Variants in IL4I1 observed in about 807,000 individuals in gnomAD.
The protein encoded by IL4I1 is interleukin 4 induced 1.
IL4I1 carries 24 observed loss-of-function variants against 29.7 expected under a neutral mutation model. That is an observed-to-expected ratio of 0.81 (90% CI 0.59 to 1.14). The LOEUF (loss-of-function observed/expected upper bound fraction) is 1.14. Ranked by LOEUF, IL4I1 falls within the 50% of genes most tolerant of loss-of-function variation. The pLI, the probability that IL4I1 is intolerant of heterozygous loss-of-function variation, is 0.00. For synonymous variants in IL4I1, 371 were observed against 352.5 expected, an observed-to-expected ratio of 1.05 and a Z score of -0.59; for missense variants, 686 against 785.6, an observed-to-expected ratio of 0.87 and a Z score of 1.52.
chr19:49,907,547 T>C, intron 2 of IL4I1: 1 of 428,782 alleles, frequency 2.3e-6, no homozygotes, highest in South Asian at 1.7e-5. Flanking sequence ...CTTTTTTTTT[T>C]TTTTTTTTTT....
At chr19:49,896,747 C>T in intron 1 of IL4I1, 88 bp downstream of exon 1, 1 of 855,358 alleles carries the variant, frequency 1.2e-6, no homozygotes, top group Non-Finnish European at 1.4e-6. Context: ...TTTCCCTCTT[C>T]CTCATCTCCC....
intron 5 of IL4I1, among the ~76,000 whole-genome samples, chr19:49,892,933 A>G (rs547735340): frequency 2.7e-4 from 41 of 152,194 alleles, no homozygotes; most frequent in African/African-American, 8.9e-4. Context: ...AGGAGGGGAC[A>G]TTGGAGCTAG....
intron 3 of IL4I1, chr19:49,901,949 C>CGTG (rs2075275476): frequency 5.7e-6 from 2 of 350,136 alleles, no homozygotes; most frequent in Admixed American, 4.8e-5. Context: ...GTCTCACTCA[C>CGTG]CCTCCCCGCC....
Position 49,908,831 on chromosome 19 carries a change from G to A in IL4I1, c.-227-4510C>T, listed in dbSNP as rs777143310. 5 of 1,612,978 alleles carry A rather than the reference G, an allele frequency of 3.1e-6. No individual in the cohort carries two copies. In the East Asian group the frequency reaches 1.1e-4, roughly 36 times the overall value. On this transcript the variant is annotated intron_variant, in intron 2 of 9. Transcript: ENST00000341114. Reference sequence around the variant, plus strand: ...CTCCAGCTGCGCGTAGGTCATGGCGGAGCTGGCAGCCGCCCCTGCAGCTGC... The same window carrying A: ...CTCCAGCTGCGCGTAGGTCATGGCGAAGCTGGCAGCCGCCCCTGCAGCTGC...
upstream of IL4I1, among the ~76,000 whole-genome samples, chr19:49,898,017 T>A (rs2075233764): frequency 1.3e-5 from 2 of 152,098 alleles, no homozygotes; most frequent in African/African-American, 2.4e-5. Flanking sequence ...CCGAAAGAGC[T>A]TGGGTCAGCA....
At chr19:49,915,428 T>C (rs2075599052) in intron 2 of IL4I1, among the ~76,000 whole-genome samples, 1 of 152,166 alleles carries the variant, frequency 6.6e-6, no homozygotes, top group South Asian at 2.1e-4. Flanking sequence ...ACAGGCGGCT[T>C]CGGCCTCTAG....
chr19:49,892,913 G>T (rs982310188), intron 5 of IL4I1, among the ~76,000 whole-genome samples: 2 of 152,184 alleles, frequency 1.3e-5, no homozygotes, highest in Non-Finnish European at 2.9e-5. Context: ...TATCAGGGAA[G>T]GCTTCCTGGA....
chr19:49,915,377 G>C (rs1409941085), intron 2 of IL4I1, among the ~76,000 whole-genome samples: 1 of 152,188 alleles, frequency 6.6e-6, no homozygotes, highest in African/African-American at 2.4e-5. Flanking sequence ...GAGACACTGT[G>C]CTGCTGGCTT....
At chr19:49,918,060 G>A (rs1349844488) in intron 2 of IL4I1, among the ~76,000 whole-genome samples, 2 of 151,510 alleles carry the variant, frequency 1.3e-5, no homozygotes, top group Non-Finnish European at 1.5e-5. Context: ...GCCATGGAGA[G>A]GGTCTGCTTT....
rs1254613593 is a variant in IL4I1 at position 49,894,594 on chromosome 19, G to T, written c.366-125C>A. ...GGACCAGCATGAGGCTGGGGGTGGG[G>T]CTAGATTTGGGGTAATCAATGCTGG... On this transcript the variant is annotated intron_variant, in intron 4 of 7. Transcript: ENST00000391826. 5.9e-6 allele frequency: 4 copies of T among 674,836 alleles called. No individual in the cohort carries two copies. In the Admixed American group the frequency reaches 6.6e-5, roughly 11 times the overall value. 41.8% of individuals were successfully genotyped at this position (674,836 alleles called of 1,614,324 possible). A position where few individuals can be genotyped will look rare whatever the true frequency, so the allele number is the denominator to read the frequency against.
intron 2 of IL4I1, among the ~76,000 whole-genome samples, chr19:49,924,525 C>G (rs906667507): frequency 3.9e-5 from 6 of 152,194 alleles, no homozygotes; most frequent in Non-Finnish European, 8.8e-5. Flanking sequence ...CCAAGCCAGG[C>G]CCCTCCGCAC....
Position 49,921,541 on chromosome 19 carries a change from C to T in IL4I1, c.-228+6153G>A, listed in dbSNP as rs779564164. Among the ~76,000 whole-genome samples, 3 of 152,228 alleles carry T rather than the reference C, an allele frequency of 2.0e-5. No homozygotes were observed. Among genetic ancestry groups the T allele is most frequent in the African/African-American group, 7.2e-5 (3 of 41,460 alleles). ...CCTGCAGGGAAGAGAGGGGCGTCCG[C>T]TGCTCGCCAACCCCCATACGTTCCT... On this transcript the variant is annotated intron_variant, in intron 2 of 9. Transcript: ENST00000341114. This position sits in a 1 kb window ranked among gnomAD's most constrained non-coding sequence, Gnocchi z 5.4.
chr19:49,925,592 A>C (rs1476034776), intron 2 of IL4I1, among the ~76,000 whole-genome samples: 1 of 152,204 alleles, frequency 6.6e-6, no homozygotes, highest in South Asian at 2.1e-4. Context: ...AAGGACAAGG[A>C]AAGTCTAAAA....
intron 4 of IL4I1, 102 bp from the exon 5 acceptor site, chr19:49,894,571 A>C: frequency 1.3e-6 from 1 of 770,012 alleles, no homozygotes; most frequent in Non-Finnish European, 2.1e-6. Flanking sequence ...GTAGCTGGGG[A>C]CCAGCATGAG....
chr19:49,914,643 AG>A (rs1310069115), intron 2 of IL4I1, among the ~76,000 whole-genome samples: 2 of 147,590 alleles, frequency 1.4e-5, no homozygotes, highest in East Asian at 4.1e-4. Flanking sequence ...TGTGAGAACC[AG>A]GGTTCTTTGC....
At position 49,891,033 on chromosome 19, in the gene IL4I1, G is replaced by A. The variant is rs754675241; in HGVS notation, c.711C>T (p.Gly237=). ...QLLGDVMSED[G]FFYLSFAEAL... ...CCTCGGCGAAGCTGAGATAGAAGAA[G>A]CCATCCTCGGACATCACGTCTCCCA... The change falls in exon 7 of 8, where the codon GGC becomes GGT. Residue 237 remains glycine (G), a synonymous_variant. Transcript: ENST00000391826. 1.9e-6 allele frequency: 3 copies of A among 1,607,136 alleles called. No individual in the cohort carries two copies. The highest frequency in any genetic ancestry group is 1.7e-6 in the Non-Finnish European group (2 of 1,177,480).
intron 2 of IL4I1, among the ~76,000 whole-genome samples, chr19:49,920,721 G>C (rs1379167625): frequency 1.3e-5 from 2 of 152,220 alleles, no homozygotes; most frequent in African/African-American, 4.8e-5. Flanking sequence ...GGCTGGGGAA[G>C]AGCCTAGAGC....
At chr19:49,898,752 C>A (rs904379499), upstream of IL4I1, among the ~76,000 whole-genome samples, 8 of 152,130 alleles carry the variant, frequency 5.3e-5, no homozygotes, top group African/African-American at 1.7e-4. Context: ...ACCTGTAATC[C>A]CAACTACTCG....
chr19:49,913,314 C>T lies in IL4I1; in HGVS notation c.-227-8993G>A, dbSNP rs560895999. Among the ~76,000 whole-genome samples the T allele has an allele frequency of 2.0e-5, 3 of 152,340 alleles. No individual in the cohort carries two copies. The South Asian group carries it at 6.2e-4, about 32-fold the overall frequency. On this transcript the variant is annotated intron_variant, in intron 2 of 9. Coordinates refer to the IL4I1 transcript ENST00000341114. Reference sequence around the variant, plus strand: ...TCCAAAGAGAGAAAATGGCCCTTGACCAGCTCCAGGAGAATCTCTATGTTC... The same window carrying T: ...TCCAAAGAGAGAAAATGGCCCTTGATCAGCTCCAGGAGAATCTCTATGTTC...
Sources: allele counts gnomAD v4.1 joint callset (sites outside exome capture counted in the v4.1 genomes callset), GRCh38; gene constraint gnomAD v4.1.1; non-coding constraint Gnocchi (gnomAD v3.1); transcripts MANE v1.5; gene names NCBI Gene and HGNC (gene_info 2026-07-23, HGNC 2026-07-21).